Variants in LIPA observed in about 807,000 individuals in gnomAD.
LIPA encodes lipase A, lysosomal acid type, also known as lysosomal acid lipase/cholesteryl ester hydrolase.
In LIPA, 26 loss-of-function variants were observed where a neutral mutation model predicts 40.6. The observed-to-expected ratio is 0.64, with a 90% CI of 0.47 to 0.89. LIPA has a LOEUF of 0.89. LIPA is among the 40% of genes least tolerant of loss of function. The pLI, the probability that LIPA is intolerant of heterozygous loss-of-function variation, is 0.00. For synonymous variants in LIPA, 188 were observed against 168.4 expected (o/e 1.12, Z -0.90); for missense variants, 455 against 479.6 (o/e 0.95, Z 0.48).
At chr10:89,306,232 A>G (rs758519887) in intron 1 of LIPA, 1 of 1,614,150 alleles carries the variant, frequency 6.2e-7, no homozygotes. Flanking sequence ...CAGAAATCAG[A>G]AGTCTGGTCA....
rs1235497307 is a variant in LIPA at position 89,214,797 on chromosome 10, G to C, written c.*31C>G. ...CACATTTTCACATGACATAATCATT[G>C]ACTTGGTGGTACACAGCTCAAGTCC... On this transcript the variant is annotated 3_prime_UTR_variant, in exon 10 of 10. Coordinates refer to ENST00000336233, the MANE Select transcript of LIPA (RefSeq NM_000235.4). The C allele has an allele frequency of 6.4e-6, 8 of 1,256,112 alleles. No homozygotes were observed. Among genetic ancestry groups the C allele is most frequent in the African/African-American group, 1.5e-5 (1 of 67,840 alleles). 77.8% of individuals were successfully genotyped at this position (1,256,112 alleles called of 1,614,324 possible).
At chr10:89,298,389 C>T (rs1296576077) in intron 1 of LIPA, among the ~76,000 whole-genome samples, 1 of 152,228 alleles carries the variant, frequency 6.6e-6, no homozygotes, top group African/African-American at 2.4e-5. Context: ...CACCCTAAAC[C>T]ATCAAGGAAA....
At chr10:89,327,202 C>CA (rs1469504175) in intron 1 of LIPA, among the ~76,000 whole-genome samples, 1 of 152,132 alleles carries the variant, frequency 6.6e-6, no homozygotes, top group African/African-American at 2.4e-5. Context: ...ATGAAGCCTC[C>CA]AAGTAGCAGG....
chr10:89,377,918 T>C, intron 2 of LIPA: 4 of 516,444 alleles, frequency 7.7e-6, no homozygotes, highest in Non-Finnish European at 6.9e-6. Context: ...AAACTCAGCA[T>C]GTATTTGTAA....
At position 89,247,581 on chromosome 10, in the gene LIPA, C is replaced by T; in HGVS notation, c.68G>A (p.Gly23Glu). Reference sequence around the variant, plus strand: ...AGGATCCACAGCTGTCAGTTTCCCTCCAGACCCCTCAGAATGCAGGGTCCA... The same window carrying T: ...AGGATCCACAGCTGTCAGTTTCCCTTCAGACCCCTCAGAATGCAGGGTCCA... ...VLWTLHSEGS[G>E]GKLTAVDPET... Residue 23 changes from glycine to glutamate, a missense_variant, in exon 2 of 10, where the codon GGA (glycine) becomes GAA (glutamate). By Grantham distance (98) the Gly-to-Glu change is moderately conservative. Coordinates refer to ENST00000336233, the MANE Select transcript of LIPA (RefSeq NM_000235.4). The T allele has an allele frequency of 6.2e-7, 1 of 1,613,490 alleles. No homozygotes were observed. Among genetic ancestry groups the T allele is most frequent in the Non-Finnish European group, 8.5e-7 (1 of 1,179,582 alleles).
chr10:89,325,852 C>T (rs1366555779), intron 1 of LIPA, among the ~76,000 whole-genome samples: 1 of 151,862 alleles, frequency 6.6e-6, no homozygotes, highest in Non-Finnish European at 1.5e-5. Context: ...TATACCTGCA[C>T]ATAAAATATA....
upstream of LIPA, among the ~76,000 whole-genome samples, chr10:89,345,723 A>C (rs1384390490): frequency 6.6e-6 from 1 of 152,182 alleles, no homozygotes; most frequent in Admixed American, 6.5e-5. Context: ...TTGATTTAGA[A>C]GACAGATTCG....
chr10:89,242,122 C>T (rs1351550230), intron 3 of LIPA, among the ~76,000 whole-genome samples: 1 of 152,192 alleles, frequency 6.6e-6, no homozygotes, highest in Non-Finnish European at 1.5e-5. Context: ...TGCTAACTCC[C>T]CATGACTTTC....
intron 2 of LIPA, among the ~76,000 whole-genome samples, chr10:89,246,929 G>A (rs1040079625): frequency 1.3e-5 from 2 of 151,976 alleles, no homozygotes; most frequent in African/African-American, 2.4e-5. Flanking sequence ...CTTTTTTATA[G>A]TTTAAACAAA....
chr10:89,400,000 A>G (rs1844399498), intron 2 of LIPA, among the ~76,000 whole-genome samples: 2 of 152,172 alleles, frequency 1.3e-5, no homozygotes, highest in Admixed American at 1.3e-4. Context: ...TAGCCTCGAG[A>G]ACTGTAAGAA....
chr10:89,302,103 G>A, intron 1 of LIPA: 1 of 1,613,942 alleles, frequency 6.2e-7, no homozygotes. Context: ...CTGCCGAACA[G>A]CTGAGAATTG....
intron 1 of LIPA, among the ~76,000 whole-genome samples, chr10:89,315,040 C>A (rs957653813): frequency 6.6e-6 from 1 of 152,144 alleles, no homozygotes; most frequent in Non-Finnish European, 1.5e-5. Context: ...GGAAGATAGG[C>A]AACTTTTCCC....
chr10:89,247,556 A>G lies in LIPA; in HGVS notation c.93T>C (p.Pro31=), dbSNP rs150957981. ...GSGGKLTAVD[P]ETNMNVSEII... is the part of the protein sequence containing the mutation. The stretch of plus-strand genomic sequence containing the variant: ...AACTTACCACATTCATGTTTGTTTC[A>G]GGATCCACAGCTGTCAGTTTCCCTC... The change falls in exon 2 of 10, where the codon CCT becomes CCC. Residue 31 remains proline (P), a synonymous_variant. Coordinates refer to ENST00000336233, the MANE Select transcript of LIPA (RefSeq NM_000235.4). 5.6e-6 allele frequency: 9 copies of G among 1,607,890 alleles called. No individual in the cohort carries two copies. The African/African-American group carries it at 9.4e-5, about 17-fold the overall frequency.
intron 2 of LIPA, chr10:89,402,535 A>T (rs1226106754): frequency 3.1e-6 from 5 of 1,614,124 alleles, no homozygotes; most frequent in Non-Finnish European, 8.5e-7. Context: ...GAAGAACATG[A>T]CAACCAAGCA....
At chr10:89,352,163 G>C (rs1291405525) in intron 2 of LIPA, among the ~76,000 whole-genome samples, 1 of 152,146 alleles carries the variant, frequency 6.6e-6, no homozygotes, top group African/African-American at 2.4e-5. Flanking sequence ...ATCATCTGAA[G>C]CCACTGCTCG....
At position 89,337,662 on chromosome 10, in the gene LIPA, G is replaced by C. The variant is rs553519998; in HGVS notation, c.-2+4949C>G. On this transcript the variant is annotated intron_variant, in intron 1 of 5. Coordinates refer to the LIPA transcript ENST00000282673. ...GATCCACCCGCCTTGGCCTCCCAAA[G>C]TGCTAGGACTACAGGCATGAGTCAC... Among the ~76,000 whole-genome samples, 117 of 152,334 alleles carry C rather than the reference G, an allele frequency of 7.7e-4. 1 individual carries two copies. Among genetic ancestry groups the C allele is most frequent in the African/African-American group, 2.7e-3 (114 of 41,570 alleles).
At chr10:89,240,808 T>C (rs1385254209) in intron 3 of LIPA, among the ~76,000 whole-genome samples, 1 of 152,170 alleles carries the variant, frequency 6.6e-6, no homozygotes, top group East Asian at 1.9e-4. Context: ...AAATCCTTCA[T>C]GCAGTGTGCC....
At chr10:89,242,777 T>C (rs1346985614) in intron 3 of LIPA, among the ~76,000 whole-genome samples, 1 of 152,228 alleles carries the variant, frequency 6.6e-6, no homozygotes, top group African/African-American at 2.4e-5. Context: ...TTAAACTATA[T>C]AAGCAAACTG....
chr10:89,339,288 T>C (rs754020242), intron 1 of LIPA: 56 of 1,613,998 alleles, frequency 3.5e-5, no homozygotes, highest in Non-Finnish European at 4.4e-5. Flanking sequence ...ACGTCAAGGT[T>C]CTCTTGGGCC....
Sources: gnomAD v4.1 joint callset for allele counts (sites outside exome capture counted in the v4.1 genomes callset) on GRCh38, gnomAD v4.1.1 for gene constraint, MANE v1.5 for transcripts, NCBI Gene and HGNC (gene_info 2026-07-23, HGNC 2026-07-21) for gene names.